Variants in MCM7 observed in about 807,000 individuals in gnomAD.
MCM7 encodes DNA replication licensing factor MCM7.
Under a neutral mutation model 83.5 loss-of-function variants are expected in MCM7, and 95 were observed. That is an observed-to-expected ratio of 1.14 (90% CI 0.96 to 1.35). The LOEUF is 1.35. Ranked by LOEUF, MCM7 falls within the 40% of genes most tolerant of loss-of-function variation. MCM7 has a pLI of 0.00. For synonymous variants in MCM7, 461 were observed against 352.7 expected (o/e 1.31, Z -3.44); for missense variants, 1,087 against 957.4 (o/e 1.14, Z -1.79).
chr7:100,093,363 A>G lies in MCM7; in HGVS notation c.1887T>C (p.Asp629=), dbSNP rs747367314. 6 of 1,614,038 alleles carry G rather than the reference A, an allele frequency of 3.7e-6. No homozygotes were observed. Among genetic ancestry groups the G allele is most frequent in the Non-Finnish European group, 5.1e-6 (6 of 1,180,026 alleles). ...LRMVDVVEKE[D]VNEAIRLMEM... ...CCATTAGCCTGATGGCTTCATTCACATCTTCTTTCTCCACCACATCCACCA... is the reference window on the plus strand; with the variant it reads ...CCATTAGCCTGATGGCTTCATTCACGTCTTCTTTCTCCACCACATCCACCA... Residue 629 remains aspartate, a synonymous_variant, in exon 14 of 15, where the codon GAT becomes GAC. Transcript: ENST00000303887.
At chr7:100,097,274 C>T (rs1233434916) in intron 10 of MCM7, 27 bp downstream of exon 10, 3 of 1,603,792 alleles carry the variant, frequency 1.9e-6, no homozygotes, top group Non-Finnish European at 2.6e-6. Flanking sequence ...TCACTATATT[C>T]ACCTCCCGCA....
chr7:100,095,341 G>A (rs752985914), intron 12 of MCM7, 46 bp downstream of exon 12: 53 of 1,548,386 alleles, frequency 3.4e-5, no homozygotes, highest in African/African-American at 5.4e-5. Flanking sequence ...CAGGAGGCTC[G>A]CACGGCCCAC....
intron 4 of MCM7, 25 bp from the exon 5 acceptor site, chr7:100,099,228 C>T: frequency 6.2e-7 from 1 of 1,614,038 alleles, no homozygotes. Context: ...CAGTCACAAA[C>T]AAGATCCTGG....
intron 1 of MCM7, chr7:100,100,910 A>G (rs1415187679): frequency 4.8e-6 from 5 of 1,051,136 alleles, no homozygotes; most frequent in Non-Finnish European, 5.8e-6. Context: ...GAATGCCCAA[A>G]AGCGCGAAGG....
Position 100,099,748 on chromosome 7 carries a change from C to A in MCM7, c.117G>T (p.Arg39=). Residue 39 remains arginine, a synonymous_variant, in exon 3 of 15, where the codon CGG becomes CGT. Transcript: ENST00000303887. ...GAGCCACCTGTTCCCGATGAGCCAGCCGAACCTCAAGTGGGGAAGAGACAG... is the reference window on the plus strand; with the variant it reads ...GAGCCACCTGTTCCCGATGAGCCAGACGAACCTCAAGTGGGGAAGAGACAG... ...KQFKYGNQLV[R]LAHREQVALY... is the part of the protein sequence containing the mutation. The A allele has an allele frequency of 6.2e-7, 1 of 1,613,702 alleles. No homozygotes were observed.
chr7:100,100,297 G>C, intron 1 of MCM7: 3 of 1,318,322 alleles, frequency 2.3e-6, no homozygotes, highest in Non-Finnish European at 2.9e-6. Flanking sequence ...GCAGTGCACA[G>C]GGCCATCCAA....
At chr7:100,095,519 C>T (rs758058455) in intron 11 of MCM7, 49 bp from the exon 12 acceptor site, 3 of 1,563,898 alleles carry the variant, frequency 1.9e-6, no homozygotes, top group South Asian at 2.3e-5. Flanking sequence ...GGCTACGCAC[C>T]CATGTCCTCT....
rs576764265 is a variant in MCM7, at chr7:100,098,775, G to A, written c.583-60C>T. The A allele has an allele frequency of 8.5e-5, 135 of 1,595,342 alleles. No homozygotes were observed. In the African/African-American group the frequency reaches 1.2e-3, roughly 14 times the overall value. On this transcript the variant is annotated intron_variant, in intron 5 of 14. Transcript: ENST00000303887. The stretch of plus-strand genomic sequence containing the variant: ...AGAAGGAAAAGAGCCCCATTGGGTC[G>A]GTCCTTTGAATCACATTTTCTCTTC...
rs549834117 is a variant in MCM7 at position 100,099,390 on chromosome 7, T to C, written c.290A>G (p.Asp97Gly). ...QYKEREVVNK[D>G]VLDVYIEHRL... Reference sequence around the variant, plus strand: ...ATGCTCAATGTAAACGTCCAGGACATCTTTATTTACCACCTAAAGGAGAAG... The same window carrying C: ...ATGCTCAATGTAAACGTCCAGGACACCTTTATTTACCACCTAAAGGAGAAG... The change falls in exon 4 of 15, where the codon GAT becomes GGT. Residue 97 changes from aspartate (D) to glycine (G), a missense_variant. Transcript: ENST00000303887. 4 of 1,577,074 alleles carry C rather than the reference T, an allele frequency of 2.5e-6. No individual in the cohort carries two copies. In the South Asian group the frequency reaches 3.3e-5, roughly 13 times the overall value.
chr7:100,098,582 T>C lies in MCM7; in HGVS notation c.716A>G (p.Glu239Gly). 6.2e-7 allele frequency: 1 copy of C among 1,614,234 alleles called. No individual in the cohort carries two copies. Among genetic ancestry groups the C allele is most frequent in the Non-Finnish European group, 8.5e-7 (1 of 1,180,042 alleles). Residue 239 changes from glutamate (E) to glycine (G), a missense_variant, in exon 6 of 15, where the codon GAA becomes GGA. Transcript: ENST00000303887. ...GGCCACGTACCCCAAACTCACATGT[T>C]CTTGCATCTTCATCTCCTGGAATTT... ...FIKFQEMKMQ[E>G]HSDQVPVGNI...
In MCM7 at chr7:100,099,365, A is replaced by G. The variant is rs542434489; in HGVS notation, c.315T>C (p.His105=). ...GACTCCGCTGCTCCATCATTAGCCG[A>G]TGCTCAATGTAAACGTCCAGGACAT... is the stretch of plus-strand genomic sequence containing the variant. The part of the protein sequence containing the change: ...NKDVLDVYIE[H]RLMMEQRSRD... Residue 105 remains histidine, a synonymous_variant, in exon 4 of 15, where the codon CAT becomes CAC. Transcript: ENST00000303887. 6 of 1,609,678 alleles carry G rather than the reference A, an allele frequency of 3.7e-6. No homozygotes were observed. The East Asian group carries it at 1.3e-4, about 36-fold the overall frequency.
chr7:100,098,262 G>C lies in MCM7; in HGVS notation c.749C>G (p.Pro250Arg). 6.2e-7 allele frequency: 1 copy of C among 1,614,102 alleles called. No homozygotes were observed. Among genetic ancestry groups the C allele is most frequent in the Non-Finnish European group, 8.5e-7 (1 of 1,180,022 alleles). Residue 250 changes from proline (P) to arginine (R), a missense_variant, in exon 7 of 15, where the codon CCT becomes CGT. By Grantham distance (103) the Pro-to-Arg change is moderately radical (BLOSUM62 -2). Coordinates refer to ENST00000303887, the MANE Select transcript of MCM7 (RefSeq NM_005916.5). ...HSDQVPVGNI[P>R]RSITVLVEGE... ...TTCTACCAGCACCGTGATACTACGA[G>C]GGATATTTCCCACAGGCACCTGATC...
Position 100,097,675 on chromosome 7 carries a change from C to T in MCM7, c.1056G>A (p.Lys352=), listed in dbSNP as rs148704528. ...CCCCGACTAGCAGGAGCAGCAGTGC[C>T]TTCTTCACATCTTCATGCCCGTATA... The part of the protein sequence containing the change: ...PEIYGHEDVK[K]ALLLLLVGGV... Residue 352 remains lysine (K), a synonymous_variant, in exon 9 of 15, where the codon AAG becomes AAA. Transcript: ENST00000303887. 3.0e-5 allele frequency: 49 copies of T among 1,614,092 alleles called. No homozygotes were observed. Among genetic ancestry groups the T allele is most frequent in the African/African-American group, 8.0e-5 (6 of 74,932 alleles).
Position 100,094,331 on chromosome 7 carries a change from C to T in MCM7, c.1690G>A (p.Ala564Thr). The change falls in exon 13 of 15, where the codon GCC becomes ACC. Residue 564 changes from alanine to threonine, a missense_variant. Physicochemically the swap from Ala to Thr is moderately conservative, Grantham distance 58. Coordinates refer to ENST00000303887, the MANE Select transcript of MCM7 (RefSeq NM_005916.5). Reference sequence around the variant, plus strand: ...ATGGGCTGCTTCTCGCGGCACATGGCTATGTAACGCCTGTGGGGGAAGGTT... The same window carrying T: ...ATGGGCTGCTTCTCGCGGCACATGGTTATGTAACGCCTGTGGGGGAAGGTT... ...LDMKLMRRYI[A>T]MCREKQPMVP... is the part of the protein sequence containing the mutation. 1 of 1,614,030 alleles carries T rather than the reference C, an allele frequency of 6.2e-7. No homozygotes were observed. The highest frequency in any genetic ancestry group is 8.5e-7 in the Non-Finnish European group (1 of 1,180,036).
At chr7:100,093,846 A>G (rs1440739274) in intron 13 of MCM7, 8 of 638,292 alleles carry the variant, frequency 1.3e-5, no homozygotes, top group South Asian at 2.9e-5. Flanking sequence ...TGGAGCCCCC[A>G]GGACTGAGGT....
At chr7:100,100,867 C>G (rs1256533952) in intron 1 of MCM7, 6 of 1,038,806 alleles carry the variant, frequency 5.8e-6, no homozygotes, top group East Asian at 8.3e-5. Flanking sequence ...CCCCCGGGGC[C>G]TACGCGCGCC....
chr7:100,092,910 C>G lies in MCM7; in HGVS notation c.*22G>C. The G allele has an allele frequency of 1.9e-6, 3 of 1,614,108 alleles. No homozygotes were observed. The highest frequency in any genetic ancestry group is 2.5e-6 in the Non-Finnish European group (3 of 1,179,994). On this transcript the variant is annotated 3_prime_UTR_variant, in exon 15 of 15. Transcript: ENST00000303887. ...AGGCCAGCAGGGAACAAGAGGACCC[C>G]AGGGTTGCAAGCAGGCTGGAATCAG...
intron 10 of MCM7, 99 bp downstream of exon 10, chr7:100,097,202 G>A: frequency 9.8e-7 from 1 of 1,016,536 alleles, no homozygotes; most frequent in South Asian, 1.4e-5. Flanking sequence ...CAGAGCATTG[G>A]GATTACAGGC....
intron 10 of MCM7, among the ~76,000 whole-genome samples, chr7:100,096,640 T>G (rs1280538523): frequency 2.0e-5 from 3 of 151,734 alleles, no homozygotes; most frequent in Non-Finnish European, 2.9e-5. Flanking sequence ...CCAAGTGTGG[T>G]GGCACGCGCC....
Sources: gnomAD v4.1 joint callset for allele counts (sites outside exome capture counted in the v4.1 genomes callset) on GRCh38, gnomAD v4.1.1 for gene constraint, MANE v1.5 for transcripts, NCBI Gene and HGNC (gene_info 2026-07-23, HGNC 2026-07-21) for gene names.